The following PLB1 variants were observed in gnomAD, a reference collection of about 807,000 sequenced individuals.
PLB1 encodes the protein phospholipase B1, membrane-associated.
In PLB1, 242 loss-of-function variants were observed where a neutral mutation model predicts 227.4. The observed-to-expected ratio is 1.06, with a 90% CI of 0.96 to 1.18. The LOEUF (loss-of-function observed/expected upper bound fraction) is 1.18. PLB1 is among the 50% of genes most tolerant of loss of function. The probability of loss-of-function intolerance (pLI) is 0.00; values close to 1 mark genes in which losing one functional copy is unlikely to be tolerated. For synonymous variants in PLB1, 757 were observed against 682.2 expected (o/e 1.11, Z -1.71); for missense variants, 1,858 against 1,816.3 (o/e 1.02, Z -0.42).
chr2:28,599,643 G>A (rs946916433), intron 35 of PLB1, among the ~76,000 whole-genome samples: 2 of 152,148 alleles, frequency 1.3e-5, no homozygotes, highest in Non-Finnish European at 2.9e-5. Context: ...TTTAGATAGA[G>A]TCTCATTCTA....
At chr2:28,613,947 A>C in intron 43 of PLB1, 84 bp from the exon 44 acceptor site, 1 of 1,056,192 alleles carries the variant, frequency 9.5e-7, no homozygotes, top group East Asian at 2.4e-5. Flanking sequence ...ATAAATCTAC[A>C]GGGCAGGATT....
intron 16 of PLB1, among the ~76,000 whole-genome samples, chr2:28,552,646 G>T (rs578004188): frequency 1.3e-5 from 2 of 152,226 alleles, no homozygotes; most frequent in East Asian, 3.9e-4. Flanking sequence ...TGGGGCAGAC[G>T]GCCATGATGC....
intron 46 of PLB1, among the ~76,000 whole-genome samples, chr2:28,619,247 G>A (rs1686645994): frequency 1.3e-5 from 2 of 152,046 alleles, no homozygotes; most frequent in South Asian, 4.1e-4. Context: ...CTCCACCTAG[G>A]ACTTTTAAAA....
chr2:28,526,660 G>A (rs1670301359), intron 6 of PLB1, among the ~76,000 whole-genome samples: 1 of 152,148 alleles, frequency 6.6e-6, no homozygotes, highest in Non-Finnish European at 1.5e-5. Flanking sequence ...CATAAATCAA[G>A]AATAAGGGAA....
Position 28,630,628 on chromosome 2 carries a change from GAAGC to G in PLB1, c.3865_3868del (p.Gln1289AsnfsTer2), listed in dbSNP as rs1249116574. 2 of 1,613,644 alleles carry G rather than the reference GAAGC, an allele frequency of 1.2e-6. No homozygotes were observed. Among genetic ancestry groups the G allele is most frequent in the Non-Finnish European group, 1.7e-6 (2 of 1,179,796 alleles). ...TCAGACACTCGCAAAGCTCCCTGGA[GAAGC>G]AAGAACTGAAGAAAGTGAACTGGAA... On this transcript the variant is annotated frameshift_variant, in exon 54 of 58. Transcript: ENST00000327757. LOFTEE classifies it high-confidence loss of function.
At chr2:28,547,756 G>A (rs184161801) in intron 14 of PLB1, among the ~76,000 whole-genome samples, 141 of 152,282 alleles carry the variant, frequency 9.3e-4, no homozygotes, top group Middle Eastern at 3.4e-3. Flanking sequence ...GAAATAGCCC[G>A]TGCAGAAGAA....
At position 28,606,478 on chromosome 2, in the gene PLB1, C is replaced by T. The variant is rs748136764; in HGVS notation, c.3058-18C>T. 4.3e-6 allele frequency: 7 copies of T among 1,612,070 alleles called. No individual in the cohort carries two copies. The East Asian group carries it at 1.6e-4, about 36-fold the overall frequency. ...AACAAACTACTACACCCGTGTCTCT[C>T]TTTTCTTCCCTGATCAGCTTGAACC... On this transcript the variant is annotated intron_variant, in intron 42 of 57. Coordinates refer to ENST00000327757, the MANE Select transcript of PLB1 (RefSeq NM_153021.5).
At chr2:28,609,171 T>C (rs565037360) in intron 43 of PLB1, among the ~76,000 whole-genome samples, 4 of 152,286 alleles carry the variant, frequency 2.6e-5, no homozygotes, top group Non-Finnish European at 4.4e-5. Context: ...CCATCAGCCT[T>C]GGCCTTCCAA....
At chr2:28,511,788 C>CTTTTTTTT (rs59137589) in intron 1 of PLB1, among the ~76,000 whole-genome samples, 2,073 of 132,538 alleles carry the variant, frequency 0.016, 93 homozygotes, top group African/African-American at 0.053. Flanking sequence ...GCCATTTTAT[C>CTTTTTTTT]TTTTTTTTTT....
At chr2:28,527,441 A>G (rs1433130795) in intron 6 of PLB1, among the ~76,000 whole-genome samples, 2 of 152,224 alleles carry the variant, frequency 1.3e-5, no homozygotes, top group Non-Finnish European at 2.9e-5. Flanking sequence ...AAAGTACTCT[A>G]GGGACATCCA....
intron 6 of PLB1, among the ~76,000 whole-genome samples, chr2:28,528,224 T>C (rs1670531654): frequency 5.3e-5 from 8 of 152,136 alleles, no homozygotes; most frequent in Admixed American, 5.2e-4. Context: ...GGAGCCCCTT[T>C]AAAGCCACCT....
intron 1 of PLB1, among the ~76,000 whole-genome samples, chr2:28,497,563 A>G (rs1325688766): frequency 1.3e-5 from 2 of 152,208 alleles, no homozygotes; most frequent in African/African-American, 4.8e-5. Context: ...GAAGCAGAGC[A>G]AAAAATAGAG....
intron 51 of PLB1, 21 bp downstream of exon 51, chr2:28,626,529 A>C: frequency 1.9e-6 from 3 of 1,605,370 alleles, no homozygotes; most frequent in Non-Finnish European, 2.6e-6. Context: ...GACCAACCCC[A>C]TGGGGACCTG....
chr2:28,553,773 C>G (rs140928331), intron 17 of PLB1, among the ~76,000 whole-genome samples: 25 of 152,292 alleles, frequency 1.6e-4, no homozygotes, highest in Middle Eastern at 3.4e-3. Context: ...TTGAGTGCCT[C>G]CTTGCCTTCA....
chr2:28,640,864 C>T (rs1689891619), intron 56 of PLB1, 63 bp from the exon 57 acceptor site: 2 of 1,507,168 alleles, frequency 1.3e-6, no homozygotes, highest in Admixed American at 1.8e-5. Flanking sequence ...TGAGACACCC[C>T]CTCAGAGAGG....
At chr2:28,642,773 C>A in intron 57 of PLB1, 85 bp from the exon 58 acceptor site, 1 of 1,201,962 alleles carries the variant, frequency 8.3e-7, no homozygotes. Flanking sequence ...CGCAGCATCT[C>A]AGGAATGGGG....
chr2:28,578,071 A>T, intron 21 of PLB1, 36 bp from the exon 22 acceptor site: 1 of 1,608,174 alleles, frequency 6.2e-7, no homozygotes, highest in South Asian at 1.1e-5. Context: ...GCCAGTCCCC[A>T]CTCCTCACAG....
chr2:28,540,224 G>A, intron 11 of PLB1, 142 bp from the exon 12 acceptor site: 2 of 617,704 alleles, frequency 3.2e-6, no homozygotes, highest in East Asian at 6.1e-5. Flanking sequence ...CAACATTTAT[G>A]TCCTCTAAGA....
chr2:28,638,162 A>G (rs1689586118), intron 56 of PLB1, among the ~76,000 whole-genome samples: 2 of 151,958 alleles, frequency 1.3e-5, no homozygotes, highest in Non-Finnish European at 2.9e-5. Flanking sequence ...CAGATAATCA[A>G]CAAGGTCATT....
Sources: gnomAD v4.1 joint callset for allele counts (sites outside exome capture counted in the v4.1 genomes callset) on GRCh38, gnomAD v4.1.1 for gene constraint, MANE v1.5 for transcripts, NCBI Gene and HGNC (gene_info 2026-07-23, HGNC 2026-07-21) for gene names.